Variants in STYK1 observed in about 807,000 individuals in gnomAD.
The protein encoded by STYK1 is tyrosine-protein kinase STYK1.
A neutral mutation model predicts 48.1 loss-of-function variants in STYK1; 46 were observed. That is an observed-to-expected ratio of 0.96 (90% CI 0.75 to 1.22). The LOEUF is 1.22. Among genes scored for constraint, STYK1 ranks in the 50% most tolerant of loss-of-function variants. The pLI is 0.00. For missense variants in STYK1, 527 were observed against 521.1 expected (o/e 1.01, Z -0.11); for synonymous variants, 188 against 189.0 (o/e 0.99, Z 0.04).
chr12:10,651,843 A>T (rs963696329), intron 1 of STYK1, among the ~76,000 whole-genome samples: 4 of 150,900 alleles, frequency 2.7e-5, no homozygotes, highest in Non-Finnish European at 4.4e-5. Context: ...TACTTTTTTA[A>T]GTCTTAAATT....
At chr12:10,658,983 T>C (rs1947747983) in intron 1 of STYK1, among the ~76,000 whole-genome samples, 1 of 152,192 alleles carries the variant, frequency 6.6e-6, no homozygotes, top group African/African-American at 2.4e-5. Flanking sequence ...AGGTGCCTTA[T>C]AGTCAGTAAC....
rs71051518 is a variant in STYK1, at chr12:10,650,119, CAAAAAAAA to C, written c.-194-12931_-194-12924del. Among the ~76,000 whole-genome samples the C allele has an allele frequency of 5.7e-4, 29 of 51,312 alleles. 1 individual carries two copies. The highest frequency in any genetic ancestry group is 1.7e-3 in the African/African-American group (22 of 13,002). The allele number at this position is 51,312 out of a possible 152,430, so 33.7% of individuals were successfully genotyped here. ...TGAGGGAGAGAGAGAGACTCTGTCT[CAAAAAAAA>C]AAAAAAAAAAAAAAAAAAAAATCTT... On this transcript the variant is annotated intron_variant, in intron 1 of 10. Transcript: ENST00000075503.
chr12:10,619,103 T>C lies in STYK1; in HGVS notation c.*1041A>G, dbSNP rs1408256588. 2 of 152,240 alleles carry C rather than the reference T, an allele frequency of 1.3e-5. No individual in the cohort carries two copies. Among genetic ancestry groups the C allele is most frequent in the African/African-American group, 4.8e-5 (2 of 41,456 alleles). 9.4% of individuals were successfully genotyped at this position (152,240 alleles called of 1,614,324 possible). On this transcript the variant is annotated 3_prime_UTR_variant, in exon 11 of 11. Transcript: ENST00000075503. Reference sequence around the variant, plus strand: ...GTACATTATCTCTTGAATTTTTCTATTGGCATTAACTTTCACTTATTTACT... The same window carrying C: ...GTACATTATCTCTTGAATTTTTCTACTGGCATTAACTTTCACTTATTTACT...
rs140361907 is a variant in STYK1, at chr12:10,666,939, G to A, written c.-195+7027C>T. 8.4e-3 allele frequency among the ~76,000 whole-genome samples: 1,279 copies of A among 152,274 alleles called. 17 individuals carry two copies. Among genetic ancestry groups the A allele is most frequent in the African/African-American group, 0.029 (1,199 of 41,556 alleles). ...TGTGAGAAAGGACTAGTACACATGT[G>A]TATTACTGAGATTTTTCTATAACCA... On this transcript the variant is annotated intron_variant, in intron 1 of 10. Coordinates refer to ENST00000075503, the MANE Select transcript of STYK1 (RefSeq NM_018423.3).
chr12:10,625,509 A>G (rs565744521), intron 7 of STYK1, among the ~76,000 whole-genome samples: 3 of 152,102 alleles, frequency 2.0e-5, no homozygotes, highest in East Asian at 1.9e-4. Context: ...GAGCCACTGC[A>G]CCCGGCCTGA....
intron 1 of STYK1, among the ~76,000 whole-genome samples, chr12:10,668,727 T>C (rs1947862259): frequency 6.6e-6 from 1 of 151,882 alleles, no homozygotes; most frequent in South Asian, 2.1e-4. Context: ...TGCACATTCG[T>C]TCCCTTCTAC....
At position 10,627,679 on chromosome 12, in the gene STYK1, G is replaced by T; in HGVS notation, c.679C>A (p.Gln227Lys). 1 of 1,613,714 alleles carries T rather than the reference G, an allele frequency of 6.2e-7. No homozygotes were observed. Among genetic ancestry groups the T allele is most frequent in the Non-Finnish European group, 8.5e-7 (1 of 1,179,878 alleles). Reference protein sequence around the residue: ...DGLLYDLTEKQVYHIGKQVLL... With the variant: ...DGLLYDLTEKKVYHIGKQVLL... Reference sequence around the variant, plus strand: ...ACCTGCTTTCCGATGTGATATACTTGTTTTTCTGTGAGATCATAGAGAAGA... The same window carrying T: ...ACCTGCTTTCCGATGTGATATACTTTTTTTTCTGTGAGATCATAGAGAAGA... The change falls in exon 7 of 11, where the codon CAA becomes AAA. Residue 227 changes from glutamine to lysine, a missense_variant. Coordinates refer to ENST00000075503, the MANE Select transcript of STYK1 (RefSeq NM_018423.3).
At chr12:10,637,569 C>T (rs1947500399) in intron 1 of STYK1, among the ~76,000 whole-genome samples, 1 of 152,072 alleles carries the variant, frequency 6.6e-6, no homozygotes, top group South Asian at 2.1e-4. Flanking sequence ...TCTCGATCTC[C>T]TGACCTCGTG....
At chr12:10,656,175 G>A (rs113552417) in intron 1 of STYK1, among the ~76,000 whole-genome samples, 28 of 152,228 alleles carry the variant, frequency 1.8e-4, no homozygotes, top group African/African-American at 6.5e-4. Context: ...CTCTCTCTTT[G>A]CCTGTCGCCC....
rs1018467415 is a variant in STYK1 at position 10,655,584 on chromosome 12, C to G, written c.-195+18382G>C. ...GCCATTTGTTGATTTTATCCCCTCC[C>G]CCCATGAACAACTTCTATCTTCCCT... is the stretch of plus-strand genomic sequence containing the variant. On this transcript the variant is annotated intron_variant, in intron 1 of 10. Transcript: ENST00000075503. Among the ~76,000 whole-genome samples the G allele has an allele frequency of 2.0e-5, 3 of 152,322 alleles. No homozygotes were observed. The East Asian group carries it at 5.8e-4, about 29-fold the overall frequency.
At position 10,629,654 on chromosome 12, in the gene STYK1, C is replaced by T; in HGVS notation, c.472G>A (p.Val158Ile). ...ALKEPAGLHE[V>I]QDFLGRIQFH... ...TGGATTCGCCCTAAGAAATCTTGTA[C>T]CTCATGGAGCCCAGCTGGTTCTGTA... The change falls in exon 6 of 11, where the codon GTA becomes ATA. Residue 158 changes from valine (V) to isoleucine (I), a missense_variant. Val to Ile is a conservative substitution (Grantham distance 29). Coordinates refer to ENST00000075503, the MANE Select transcript of STYK1 (RefSeq NM_018423.3). 6.2e-7 allele frequency: 1 copy of T among 1,614,146 alleles called. No homozygotes were observed.
At chr12:10,650,830 G>A (rs1021675822) in intron 1 of STYK1, among the ~76,000 whole-genome samples, 7 of 151,798 alleles carry the variant, frequency 4.6e-5, no homozygotes, top group African/African-American at 1.2e-4. Flanking sequence ...GCAGAACCCC[G>A]TCTCTACTAA....
At chr12:10,668,663 G>A (rs1947861482) in intron 1 of STYK1, among the ~76,000 whole-genome samples, 1 of 147,932 alleles carries the variant, frequency 6.8e-6, no homozygotes, top group African/African-American at 2.5e-5. Flanking sequence ...CCAAAGTGTT[G>A]GGATTACAGG....
intron 1 of STYK1, among the ~76,000 whole-genome samples, chr12:10,649,687 G>A (rs1947638440): frequency 6.6e-6 from 1 of 152,132 alleles, no homozygotes; most frequent in Non-Finnish European, 1.5e-5. Context: ...AGGCTACAAG[G>A]CAGAAAAGTT....
intron 6 of STYK1, among the ~76,000 whole-genome samples, 169 bp from the exon 7 acceptor site, chr12:10,627,893 T>G (rs3759260): frequency 6.6e-6 from 1 of 152,020 alleles, no homozygotes; most frequent in Non-Finnish European, 1.5e-5. Flanking sequence ...GGCAGAGACA[T>G]AAAATGATCC....
At position 10,622,667 on chromosome 12, in the gene STYK1, C is replaced by T. The variant is rs781319343; in HGVS notation, c.938G>A (p.Gly313Glu). The change falls in exon 9 of 11, where the codon GGG becomes GAG. Residue 313 changes from glycine (G) to glutamate (E), a missense_variant. Physicochemically the swap from Gly to Glu is moderately conservative, Grantham distance 98 (BLOSUM62 -2). Transcript: ENST00000075503. ...ASIRADVWSF[G>E]ILLYEMVTLG... ...AGTCACCATCTCATAGAGCAGGATC[C>T]CAAAAGACCAGCTGTAAAAGAAACA... The T allele has an allele frequency of 9.1e-5, 147 of 1,613,882 alleles. No individual in the cohort carries two copies. Among genetic ancestry groups the T allele is most frequent in the Admixed American group, 1.3e-4 (8 of 60,010 alleles).
chr12:10,661,943 C>T (rs1191307142), intron 1 of STYK1, among the ~76,000 whole-genome samples: 2 of 152,068 alleles, frequency 1.3e-5, no homozygotes, highest in Non-Finnish European at 2.9e-5. Context: ...AGTATGCAAC[C>T]ATCACCACTA....
At chr12:10,629,357 T>C (rs1174521321) in intron 6 of STYK1, 136 bp downstream of exon 6, 4 of 865,146 alleles carry the variant, frequency 4.6e-6, no homozygotes, top group African/African-American at 1.7e-5. Context: ...AGTTCTATTA[T>C]ATGGTCATAC....
At chr12:10,661,450 T>A (rs192552650) in intron 1 of STYK1, among the ~76,000 whole-genome samples, 263 of 152,334 alleles carry the variant, frequency 1.7e-3, no homozygotes, top group African/African-American at 6.0e-3. Context: ...ATAAACCAAG[T>A]GAAGCAATCT....
Sources: allele counts gnomAD v4.1 joint callset (sites outside exome capture counted in the v4.1 genomes callset), GRCh38; gene constraint gnomAD v4.1.1; transcripts MANE v1.5; gene names NCBI Gene and HGNC (gene_info 2026-07-23, HGNC 2026-07-21).